ZNF264: variants seen among roughly 807,000 people sequenced by gnomAD.
The protein encoded by ZNF264 is zinc finger protein 264.
In ZNF264, 11 loss-of-function variants were observed where a neutral mutation model predicts 11.2. The ratio of observed to expected loss-of-function variants is 0.98; its 90% CI spans 0.62 to 1.63. ZNF264 has a LOEUF of 1.63. ZNF264 is among the 40% of genes most tolerant of loss of function. The probability of loss-of-function intolerance (pLI) is 0.00; values close to 1 mark genes in which losing one functional copy is unlikely to be tolerated. For synonymous variants in ZNF264, 309 were observed against 279.8 expected, an observed-to-expected ratio of 1.10 and a Z score of -1.04; for missense variants, 752 against 768.1, an observed-to-expected ratio of 0.98 and a Z score of 0.25.
rs1230808859 is a variant in ZNF264 at position 57,221,772 on chromosome 19, C to T, written c.*8791C>T. On this transcript the variant is annotated 3_prime_UTR_variant, in exon 4 of 4. Coordinates refer to ENST00000263095, the MANE Select transcript of ZNF264 (RefSeq NM_003417.5). ...TCAGCTTTTCAGCTGAAAACGTTATCCCCCTTTCAGCTGGGGGGAAAAAAA... is the reference window on the plus strand; with the variant it reads ...TCAGCTTTTCAGCTGAAAACGTTATTCCCCTTTCAGCTGGGGGGAAAAAAA... 1 of 152,028 alleles carries T rather than the reference C, an allele frequency of 6.6e-6. No individual in the cohort carries two copies. Among genetic ancestry groups the T allele is most frequent in the Non-Finnish European group, 1.5e-5 (1 of 68,002 alleles). 9.4% of individuals were successfully genotyped at this position (152,028 alleles called of 1,614,324 possible). A position where few individuals can be genotyped will look rare whatever the true frequency, so the allele number is the denominator to read the frequency against.
At chr19:57,192,484 T>G in intron 1 of ZNF264, 1 of 985,376 alleles carries the variant, frequency 1.0e-6, no homozygotes. Flanking sequence ...GCATTATCCT[T>G]GGCCGCTCGT....
rs546022576 is a variant in ZNF264, at chr19:57,217,513, G to A, written c.*4532G>A. 131 of 152,140 alleles carry A rather than the reference G, an allele frequency of 8.6e-4. No homozygotes were observed. Among genetic ancestry groups the A allele is most frequent in the Non-Finnish European group, 1.6e-3 (112 of 68,018 alleles). The allele number at this position is 152,140 out of a possible 1,614,324, so 9.4% of individuals were successfully genotyped here. A position where few individuals can be genotyped will look rare whatever the true frequency, so the allele number is the denominator to read the frequency against. ...GCTCTCTGCAACCTCTGCCTCCCGG[G>A]TTCAAGCAATTAACTGCCTCAGCTT... On this transcript the variant is annotated 3_prime_UTR_variant, in exon 4 of 4. Coordinates refer to ENST00000263095, the MANE Select transcript of ZNF264 (RefSeq NM_003417.5).
intron 2 of ZNF264, among the ~76,000 whole-genome samples, chr19:57,199,333 A>G (rs1341426381): frequency 2.0e-5 from 3 of 151,926 alleles, no homozygotes; most frequent in African/African-American, 7.3e-5. Context: ...GGTTAAGGTT[A>G]TGTCTTATGG....
At position 57,221,891 on chromosome 19, in the gene ZNF264, G is replaced by A. The variant is rs541519290; in HGVS notation, c.*8910G>A. Reference sequence around the variant, plus strand: ...ATCTAAGGTCCCACACTCCAGCAAGGGTGAACCTTGCAAACTCAAAAGGAT... The same window carrying A: ...ATCTAAGGTCCCACACTCCAGCAAGAGTGAACCTTGCAAACTCAAAAGGAT... On this transcript the variant is annotated 3_prime_UTR_variant, in exon 4 of 4. Coordinates refer to ENST00000263095, the MANE Select transcript of ZNF264 (RefSeq NM_003417.5). The A allele has an allele frequency of 1.3e-5, 2 of 152,194 alleles. No homozygotes were observed. The highest frequency in any genetic ancestry group is 4.8e-5 in the African/African-American group (2 of 41,508). The allele number at this position is 152,194 out of a possible 1,614,324, so 9.4% of individuals were successfully genotyped here. A position where few individuals can be genotyped will look rare whatever the true frequency, so the allele number is the denominator to read the frequency against.
chr19:57,198,035 C>T (rs985911155), intron 2 of ZNF264, among the ~76,000 whole-genome samples: 3 of 151,946 alleles, frequency 2.0e-5, no homozygotes, highest in Non-Finnish European at 4.4e-5. Context: ...GACACAAAGT[C>T]GGAGAGTTGA....
Sources: allele counts gnomAD v4.1 joint callset (sites outside exome capture counted in the v4.1 genomes callset), GRCh38; gene constraint gnomAD v4.1.1; transcripts MANE v1.5; gene names NCBI Gene and HGNC (gene_info 2026-07-23, HGNC 2026-07-21).